Variants in DNAAF1 observed in about 807,000 individuals in gnomAD.
DNAAF1 encodes dynein assembly factor 1, axonemal.
In DNAAF1, 65 loss-of-function variants were observed where a neutral mutation model predicts 71.1. The ratio of observed to expected loss-of-function variants is 0.91; its 90% CI spans 0.75 to 1.12. The LOEUF is 1.12. Ranked by LOEUF, DNAAF1 falls within the 50% of genes most tolerant of loss-of-function variation. The pLI is 0.00. For missense variants in DNAAF1, 1,178 were observed against 899.8 expected, an observed-to-expected ratio of 1.31 and a Z score of -3.96; for synonymous variants, 414 against 354.6, an observed-to-expected ratio of 1.17 and a Z score of -1.88.
chr16:84,176,176 CA>C lies in DNAAF1; in HGVS notation c.1943del (p.Gln648ArgfsTer13). 1 of 1,614,074 alleles carries C rather than the reference CA, an allele frequency of 6.2e-7. No individual in the cohort carries two copies. The highest frequency in any genetic ancestry group is 8.5e-7 in the Non-Finnish European group (1 of 1,180,036). On this transcript the variant is annotated frameshift_variant, in exon 11 of 12. Transcript: ENST00000378553. LOFTEE classifies it high-confidence loss of function. ...CACCAAGTCCCCAAGACCCCTGATC[CA>C]GGAGCTCAGCGACGAGGACCCCTCT... ...QDTKSPRPLI[Q>X]ELSDEDPSGQ...
At chr16:84,175,378 GGAAA>G (rs938401005) in intron 10 of DNAAF1, 2 of 180,298 alleles carry the variant, frequency 1.1e-5, no homozygotes, top group East Asian at 1.4e-4. Flanking sequence ...ACAGGAGAGG[GGAAA>G]GAAAGGGGTG....
rs1405319798 is a variant in DNAAF1 at position 84,172,251 on chromosome 16, G to A, written c.1529-9G>A. The A allele has an allele frequency of 1.2e-6, 2 of 1,613,290 alleles. No individual in the cohort carries two copies. Among genetic ancestry groups the A allele is most frequent in the African/African-American group, 2.7e-5 (2 of 75,004 alleles). ...TAAACTAACTCCAAGACTTGTTGTTGCTCTTTAGAACCGACTCCCCAGGCT... is the reference window on the plus strand; with the variant it reads ...TAAACTAACTCCAAGACTTGTTGTTACTCTTTAGAACCGACTCCCCAGGCT... On this transcript the variant is annotated splice_polypyrimidine_tract_variant and intron_variant, in intron 8 of 11. Transcript: ENST00000378553.
At chr16:84,175,316 T>G (rs1361400128) in intron 10 of DNAAF1, 2 of 177,682 alleles carry the variant, frequency 1.1e-5, no homozygotes, top group African/African-American at 4.8e-5. Flanking sequence ...TAAGATGTAT[T>G]TCTATGTCCA....
At chr16:84,148,154 C>T (rs2087004110) in intron 1 of DNAAF1, among the ~76,000 whole-genome samples, 2 of 152,220 alleles carry the variant, frequency 1.3e-5, no homozygotes, top group South Asian at 4.1e-4. Flanking sequence ...CCATTCCTTT[C>T]CTCCCTTGTC....
Position 84,170,244 on chromosome 16 carries a change from C to T in DNAAF1, c.1416C>T (p.Thr472=), listed in dbSNP as rs781116108. 3.1e-5 allele frequency: 50 copies of T among 1,609,500 alleles called. 1 individual carries two copies. The South Asian group carries it at 5.0e-4, about 16-fold the overall frequency. Residue 472 remains threonine (T), a synonymous_variant, in exon 8 of 12, where the codon ACC becomes ACT. Coordinates refer to ENST00000378553, the MANE Select transcript of DNAAF1 (RefSeq NM_178452.6). Reference sequence around the variant, plus strand: ...CAGAGGGGACCCTCCCAGCTGAGACCCTGCTACTGTCACCGCCTGTGAAGG... The same window carrying T: ...CAGAGGGGACCCTCCCAGCTGAGACTCTGCTACTGTCACCGCCTGTGAAGG... ...QEPEGTLPAE[T]LLLSPPVKVK...
At position 84,176,190 on chromosome 16, in the gene DNAAF1, C is replaced by G; in HGVS notation, c.1956C>G (p.Asp652Glu). ...SPRPLIQELS[D>E]EDPSGQLLMP... ...GACCCCTGATCCAGGAGCTCAGCGA[C>G]GAGGACCCCTCTGGCCAGCTACTGA... Residue 652 changes from aspartate (D) to glutamate (E), a missense_variant, in exon 11 of 12, where the codon GAC becomes GAG. Physicochemically the swap from Asp to Glu is conservative, Grantham distance 45 (BLOSUM62 2). Coordinates refer to ENST00000378553, the MANE Select transcript of DNAAF1 (RefSeq NM_178452.6). The G allele has an allele frequency of 6.2e-7, 1 of 1,614,000 alleles. No homozygotes were observed. The highest frequency in any genetic ancestry group is 8.5e-7 in the Non-Finnish European group (1 of 1,180,044).
chr16:84,145,643 T>C, intron 1 of DNAAF1, 79 bp downstream of exon 1: 2 of 1,475,104 alleles, frequency 1.4e-6, no homozygotes, highest in East Asian at 2.5e-5. Context: ...CCACACCACA[T>C]ACCCGATCTT....
chr16:84,158,920 G>C (rs966399883), intron 5 of DNAAF1: 12 of 461,696 alleles, frequency 2.6e-5, no homozygotes, highest in African/African-American at 6.4e-5. Context: ...TAGTAGAGAT[G>C]GGGTTTCACC....
In DNAAF1 at chr16:84,159,267, G is replaced by A. The variant is rs2087588299; in HGVS notation, c.742-408G>A. ...GTCACTGCTGCTTCTCTGTCTAGCGGCTGTGTGCGTTTTGGTAAAATGGAT... is the reference window on the plus strand; with the variant it reads ...GTCACTGCTGCTTCTCTGTCTAGCGACTGTGTGCGTTTTGGTAAAATGGAT... On this transcript the variant is annotated intron_variant, in intron 5 of 11. Coordinates refer to ENST00000378553, the MANE Select transcript of DNAAF1 (RefSeq NM_178452.6). 3.6e-6 allele frequency: 4 copies of A among 1,109,668 alleles called. No homozygotes were observed. The South Asian group carries it at 9.0e-5, about 25-fold the overall frequency. 68.7% of individuals were successfully genotyped at this position (1,109,668 alleles called of 1,614,324 possible). A position where few individuals can be genotyped will look rare whatever the true frequency, so the allele number is the denominator to read the frequency against.
chr16:84,155,573 T>TA lies in DNAAF1; in HGVS notation c.575-9dup. ...CTTTGTTTTTGACTTCTGCTGACCT[T>TA]ACCTTCCAGCCTGCCTCCCAGTCCT... On this transcript the variant is annotated splice_polypyrimidine_tract_variant and intron_variant, in intron 4 of 11. Transcript: ENST00000378553. 6.2e-7 allele frequency: 1 copy of TA among 1,614,040 alleles called. No homozygotes were observed.
intron 7 of DNAAF1, 24 bp downstream of exon 7, chr16:84,165,973 AGCCCCAGAGTT>A (rs1555524244): frequency 1.9e-6 from 3 of 1,608,982 alleles, no homozygotes; most frequent in Non-Finnish European, 2.5e-6. Context: ...CGAAGACAAC[AGCCCCAGAGTT>A]CCTTTGAGAT....
At chr16:84,164,104 C>G (rs745646479) in intron 6 of DNAAF1, among the ~76,000 whole-genome samples, 1 of 152,140 alleles carries the variant, frequency 6.6e-6, no homozygotes, top group Non-Finnish European at 1.5e-5. Context: ...TGCATCTGGC[C>G]TAGACTTTAT....
intron 6 of DNAAF1, among the ~76,000 whole-genome samples, chr16:84,163,310 G>C (rs1253171603): frequency 6.6e-6 from 1 of 151,516 alleles, no homozygotes; most frequent in Non-Finnish European, 1.5e-5. Context: ...AGTGTAGGAA[G>C]GTTCCAATTT....
chr16:84,167,152 A>G (rs1002681535), intron 7 of DNAAF1, among the ~76,000 whole-genome samples: 1 of 152,192 alleles, frequency 6.6e-6, no homozygotes, highest in Non-Finnish European at 1.5e-5. Context: ...ATGATGGCTC[A>G]CAGAACTCCA....
intron 5 of DNAAF1, among the ~76,000 whole-genome samples, chr16:84,159,423 G>T (rs919257691): frequency 5.9e-5 from 9 of 152,168 alleles, no homozygotes; most frequent in African/African-American, 2.2e-4. Context: ...GTATTGTTCT[G>T]GAGGGACGAT....
rs895654293 is a variant in DNAAF1 at position 84,145,340 on chromosome 16, A to G, written c.-101A>G. 6 of 1,525,590 alleles carry G rather than the reference A, an allele frequency of 3.9e-6. No homozygotes were observed. The highest frequency in any genetic ancestry group is 4.4e-6 in the Non-Finnish European group (5 of 1,136,176). 94.5% of individuals were successfully genotyped at this position (1,525,590 alleles called of 1,614,324 possible). ...CTAGGGCGCCAGCGGCTGGCGAAGA[A>G]GGAAAGAGGGTACTCTCTGGCTGGG... On this transcript the variant is annotated 5_prime_UTR_variant, in exon 1 of 12. Coordinates refer to ENST00000378553, the MANE Select transcript of DNAAF1 (RefSeq NM_178452.6).
Position 84,160,759 on chromosome 16 carries a change from C to T in DNAAF1, c.863+963C>T, listed in dbSNP as rs146352105. The stretch of plus-strand genomic sequence containing the variant: ...ACCACCCTGGCTAACACGGTGAAAC[C>T]GCGTCGCTACTAAAAGTACACAAAA... On this transcript the variant is annotated intron_variant, in intron 6 of 11. Coordinates refer to ENST00000378553, the MANE Select transcript of DNAAF1 (RefSeq NM_178452.6). Among the ~76,000 whole-genome samples, 541 of 151,914 alleles carry T rather than the reference C, an allele frequency of 3.6e-3. 3 individuals carry two copies. Among genetic ancestry groups the T allele is most frequent in the Non-Finnish European group, 5.6e-3 (381 of 67,956 alleles).
intron 10 of DNAAF1, 125 bp from the exon 11 acceptor site, chr16:84,175,808 T>G (rs1321783682): frequency 7.7e-7 from 1 of 1,294,754 alleles, no homozygotes; most frequent in Non-Finnish European, 1.1e-6. Flanking sequence ...CCCTTGGGCC[T>G]TTCTTGGATG....
chr16:84,149,928 G>C (rs563576679), intron 2 of DNAAF1, among the ~76,000 whole-genome samples: 1 of 152,168 alleles, frequency 6.6e-6, no homozygotes, highest in South Asian at 2.1e-4. Flanking sequence ...GGGAGGCTGA[G>C]GCAGGAGAAT....
Sources: gnomAD v4.1 joint callset for allele counts (sites outside exome capture counted in the v4.1 genomes callset) on GRCh38, gnomAD v4.1.1 for gene constraint, MANE v1.5 for transcripts, NCBI Gene and HGNC (gene_info 2026-07-23, HGNC 2026-07-21) for gene names.